Variants in CTNNA1 observed in about 807,000 individuals in gnomAD.
The protein encoded by CTNNA1 is catenin alpha-1.
CTNNA1 carries 37 observed loss-of-function variants against 98.4 expected under a neutral mutation model. The ratio of observed to expected loss-of-function variants is 0.38; its 90% CI spans 0.29 to 0.49. The LOEUF is 0.49. CTNNA1 is among the 20% of genes least tolerant of loss of function. CTNNA1 has a pLI of 0.95. For synonymous variants in CTNNA1, 404 were observed against 413.2 expected (o/e 0.98, Z 0.27); for missense variants, 761 against 1,147.2 (o/e 0.66, Z 4.86).
rs201299132 is a variant in CTNNA1, at chr5:138,874,332, C to T, written c.1063-11880C>T. 2.3e-4 allele frequency: 373 copies of T among 1,613,990 alleles called. No homozygotes were observed. The highest frequency in any genetic ancestry group is 3.3e-4 in the Middle Eastern group (2 of 6,062). On this transcript the variant is annotated intron_variant, in intron 7 of 17. Coordinates refer to ENST00000302763, the MANE Select transcript of CTNNA1 (RefSeq NM_001903.5). This position sits in a 1 kb window ranked among gnomAD's most constrained non-coding sequence, Gnocchi z 4.1. Reference sequence around the variant, plus strand: ...CTGAAGCTGGCAAATTGATCTCTTTCGAGCTCTGTGATGTGATTGTGCCTC... The same window carrying T: ...CTGAAGCTGGCAAATTGATCTCTTTTGAGCTCTGTGATGTGATTGTGCCTC...
intron 1 of CTNNA1, among the ~76,000 whole-genome samples, chr5:138,759,047 C>T (rs1752031118): frequency 6.6e-6 from 1 of 152,214 alleles, no homozygotes; most frequent in Non-Finnish European, 1.5e-5. Context: ...AGGTGATCAG[C>T]CAGCCTTGGC....
At chr5:138,911,101 G>T (rs1760521116) in intron 10 of CTNNA1, among the ~76,000 whole-genome samples, 1 of 152,160 alleles carries the variant, frequency 6.6e-6, no homozygotes, top group Non-Finnish European at 1.5e-5. Context: ...GCCAGGCATG[G>T]TGGTGCAAGG....
intron 1 of CTNNA1, among the ~76,000 whole-genome samples, chr5:138,755,488 G>A (rs1250637460): frequency 6.6e-6 from 1 of 152,100 alleles, no homozygotes; most frequent in East Asian, 1.9e-4. Context: ...CTCGTACCCA[G>A]GGTTCTTTCC....
At chr5:138,847,385 G>C (rs1215241908) in intron 7 of CTNNA1, among the ~76,000 whole-genome samples, 2 of 151,946 alleles carry the variant, frequency 1.3e-5, no homozygotes, top group African/African-American at 2.4e-5. Context: ...AGCTGGTCTC[G>C]AACTACTGGG....
intron 1 of CTNNA1, among the ~76,000 whole-genome samples, chr5:138,771,435 G>A (rs1326956180): frequency 6.6e-6 from 1 of 152,198 alleles, no homozygotes; most frequent in African/African-American, 2.4e-5. Context: ...AGCCTGCAGT[G>A]TAGTGGCATG....
intron 1 of CTNNA1, among the ~76,000 whole-genome samples, chr5:138,781,018 A>T (rs1396037748): frequency 2.0e-5 from 3 of 152,174 alleles, no homozygotes; most frequent in Non-Finnish European, 4.4e-5. Context: ...CTTGACACTG[A>T]TACAGTGATA....
chr5:138,934,247 T>TTTAAG lies in CTNNA1; in HGVS notation c.*161_*165dup, dbSNP rs577841721. 2.3e-3 allele frequency: 1,382 copies of TTTAAG among 589,896 alleles called. 1 individual carries two copies. The highest frequency in any genetic ancestry group is 3.5e-3 in the Non-Finnish European group (1,180 of 339,280). The allele number at this position is 589,896 out of a possible 1,614,324, so 36.5% of individuals were successfully genotyped here. On this transcript the variant is annotated 3_prime_UTR_variant, in exon 18 of 18. Coordinates refer to ENST00000302763, the MANE Select transcript of CTNNA1 (RefSeq NM_001903.5). The stretch of plus-strand genomic sequence containing the variant: ...GGTGGTGAATTTTCCAAGAACATAG[T>TTTAAG]TTAAGTTGATTAAAAATGCTTTTAG...
At chr5:138,929,121 T>G in intron 13 of CTNNA1, 125 bp from the exon 14 acceptor site, 1 of 757,000 alleles carries the variant, frequency 1.3e-6, no homozygotes, top group African/African-American at 1.7e-5. Context: ...CACCATACTG[T>G]TCAGAACACT....
chr5:138,859,322 A>G (rs1339872769), intron 7 of CTNNA1, among the ~76,000 whole-genome samples: 1 of 152,090 alleles, frequency 6.6e-6, no homozygotes, highest in African/African-American at 2.4e-5. Flanking sequence ...AAGATTTCTC[A>G]GACTGGTTTA....
intron 13 of CTNNA1, among the ~76,000 whole-genome samples, chr5:138,927,061 A>T (rs1764220403): frequency 6.6e-6 from 1 of 152,088 alleles, no homozygotes; most frequent in Non-Finnish European, 1.5e-5. Flanking sequence ...ACAGTAGAGA[A>T]CCTGAACATG....
At chr5:138,772,152 C>A (rs971284373) in intron 1 of CTNNA1, among the ~76,000 whole-genome samples, 1 of 152,214 alleles carries the variant, frequency 6.6e-6, no homozygotes, top group Admixed American at 6.5e-5. Flanking sequence ...ATTTTCTCCT[C>A]ATTGCTTCTC....
chr5:138,889,134 T>G (rs1754779124), intron 9 of CTNNA1, among the ~76,000 whole-genome samples: 2 of 152,214 alleles, frequency 1.3e-5, no homozygotes, highest in Non-Finnish European at 2.9e-5. Flanking sequence ...AGCCAGTCTC[T>G]TGTAAGTAGC....
chr5:138,838,571 C>A (rs1561579364), intron 7 of CTNNA1, among the ~76,000 whole-genome samples: 1 of 151,268 alleles, frequency 6.6e-6, no homozygotes. Context: ...TCTGTTTCTG[C>A]TTTTTATTTA....
chr5:138,918,320 G>GAATA (rs1231263795), intron 11 of CTNNA1, among the ~76,000 whole-genome samples: 1 of 152,126 alleles, frequency 6.6e-6, no homozygotes, highest in African/African-American at 2.4e-5. Context: ...ATCAGCCTAT[G>GAATA]AAACTTAGGA....
At chr5:138,777,415 G>A (rs1449218864) in intron 1 of CTNNA1, among the ~76,000 whole-genome samples, 1 of 151,772 alleles carries the variant, frequency 6.6e-6, no homozygotes, top group Non-Finnish European at 1.5e-5. Flanking sequence ...CCCAGACGAT[G>A]GGCGGCCAGG....
chr5:138,851,268 T>G (rs1445422078), intron 7 of CTNNA1, among the ~76,000 whole-genome samples: 3 of 152,228 alleles, frequency 2.0e-5, no homozygotes, highest in Non-Finnish European at 4.4e-5. Flanking sequence ...TGGGCATTCT[T>G]GTGCCTGATC....
At chr5:138,797,256 C>T (rs933630332) in intron 3 of CTNNA1, among the ~76,000 whole-genome samples, 2 of 152,050 alleles carry the variant, frequency 1.3e-5, no homozygotes, top group African/African-American at 4.8e-5. Context: ...AGTATATTCA[C>T]TATAGAAAGT....
rs566751735 is a variant in CTNNA1, at chr5:138,798,595, T to G, written c.302-11443T>G. ...GGAATTTACTCATGATATTTGATGC[T>G]TCAAAAACTTCTTGATTTTGTCTTC... On this transcript the variant is annotated intron_variant, in intron 3 of 17. Transcript: ENST00000302763. 3.3e-5 allele frequency among the ~76,000 whole-genome samples: 5 copies of G among 152,362 alleles called. No individual in the cohort carries two copies. The South Asian group carries it at 1.0e-3, about 32-fold the overall frequency.
At chr5:138,844,093 T>TTA (rs10642111) in intron 7 of CTNNA1, among the ~76,000 whole-genome samples, 104,258 of 151,378 alleles carry the variant, frequency 0.69, 36,048 homozygotes, top group East Asian at 0.93. Flanking sequence ...AGCAAGTTTG[T>TTA]GGAAAGCAAA....
Sources: allele counts gnomAD v4.1 joint callset (sites outside exome capture counted in the v4.1 genomes callset), GRCh38; gene constraint gnomAD v4.1.1; non-coding constraint Gnocchi (gnomAD v3.1); transcripts MANE v1.5; gene names NCBI Gene and HGNC (gene_info 2026-07-23, HGNC 2026-07-21).